The following DUSP15 variants were observed in gnomAD, a reference collection of about 807,000 sequenced individuals.
The protein encoded by DUSP15 is dual specificity phosphatase 15.
A neutral mutation model predicts 26.3 loss-of-function variants in DUSP15; 23 were observed. That is an observed-to-expected ratio of 0.87 (90% confidence interval 0.63 to 1.24). The LOEUF is 1.24. DUSP15 is among the 50% of genes most tolerant of loss of function. The pLI, the probability that DUSP15 is intolerant of heterozygous loss-of-function variation, is 0.00. For synonymous variants in DUSP15, 143 were observed against 135.5 expected (o/e 1.06, Z -0.39); for missense variants, 364 against 320.6 (o/e 1.14, Z -1.03).
rs1283570970 is a variant in DUSP15, at chr20:31,864,995, G to A, written c.146C>T (p.Thr49Ile). The change falls in exon 4 of 7, where the codon ACC becomes ATC. Residue 49 changes from threonine to isoleucine, a missense_variant. Coordinates refer to ENST00000339738, the MANE Select transcript of DUSP15 (RefSeq NM_080611.5). ...ATCAGCGACCGGGATGCGAAGGTAG[G>A]TGATATCCTGCAAGTACAAAATACA... ...ESPQPLLQDI[T>I]YLRIPVADTP... 2 of 1,614,118 alleles carry A rather than the reference G, an allele frequency of 1.2e-6. No homozygotes were observed. The highest frequency in any genetic ancestry group is 1.7e-6 in the Non-Finnish European group (2 of 1,179,992).
Position 31,870,393 on chromosome 20 carries a change from C to A in DUSP15, c.-56G>T. ...CCAGCTCGCCGCCCGGGAAGCGATC[C>A]GGTCACAGCTGCCCTGACGGCCCAG... On this transcript the variant is annotated 5_prime_UTR_variant, in exon 1 of 7. Transcript: ENST00000339738. The surrounding 1 kb of genome is among the most constrained non-coding windows in gnomAD (Gnocchi z 6.6). 1 of 1,279,268 alleles carries A rather than the reference C, an allele frequency of 7.8e-7. No homozygotes were observed. The highest frequency in any genetic ancestry group is 3.4e-5 in the South Asian group (1 of 29,630). 79.2% of individuals were successfully genotyped at this position (1,279,268 alleles called of 1,614,324 possible).
At chr20:31,851,150 T>C (rs922397545) in intron 6 of DUSP15, among the ~76,000 whole-genome samples, 5 of 151,936 alleles carry the variant, frequency 3.3e-5, no homozygotes, top group Non-Finnish European at 5.9e-5. Flanking sequence ...AAAGAGAAAG[T>C]TGATGAAGAT....
chr20:31,864,291 G>A (rs985662774), intron 4 of DUSP15: 39 of 1,129,050 alleles, frequency 3.5e-5, no homozygotes, highest in Non-Finnish European at 4.2e-5. Context: ...GAAATGGGTG[G>A]GAGGAAACAC....
intron 5 of DUSP15, 83 bp downstream of exon 5, chr20:31,863,824 C>A: frequency 7.1e-7 from 1 of 1,409,162 alleles, no homozygotes; most frequent in South Asian, 1.2e-5. Context: ...CAGGTCCAAC[C>A]TTCCCACAGG....
rs774152401 is a variant in DUSP15, at chr20:31,869,566, A to T, written c.53T>A (p.Ile18Asn). The T allele has an allele frequency of 1.9e-6, 3 of 1,613,002 alleles. No homozygotes were observed. Among genetic ancestry groups the T allele is most frequent in the South Asian group, 2.2e-5 (2 of 90,702 alleles). The change falls in exon 2 of 7, where the codon ATT becomes AAT. Residue 18 changes from isoleucine (I) to asparagine (N), a missense_variant and splice_region_variant. Physicochemically the swap from Ile to Asn is moderately radical, Grantham distance 149 (BLOSUM62 -3). Coordinates refer to ENST00000339738, the MANE Select transcript of DUSP15 (RefSeq NM_080611.5). ...VLPGLYLGNF[I>N]DAKDLDQLGR... ...GGGACAGAGTGGGCAGTGCTCACCAATGAAGTTTCCGAGGTAGAGTCCAGG... is the reference window on the plus strand; with the variant it reads ...GGGACAGAGTGGGCAGTGCTCACCATTGAAGTTTCCGAGGTAGAGTCCAGG...
intron 4 of DUSP15, chr20:31,864,506 G>T: frequency 1.0e-6 from 1 of 967,796 alleles, no homozygotes; most frequent in Non-Finnish European, 1.2e-6. Flanking sequence ...TCCTTGACCT[G>T]TGTCATCTGA....
chr20:31,861,711 C>T, intron 6 of DUSP15, 36 bp from the exon 7 acceptor site: 1 of 430,084 alleles, frequency 2.3e-6, no homozygotes, highest in Non-Finnish European at 3.0e-6. Context: ...GGGTCAAGGC[C>T]GGCGCGGGGC....
At chr20:31,849,813 T>G (rs6060996) in exon 8 of DUSP15, 1 of 1,529,362 alleles carries the variant, frequency 6.5e-7, no homozygotes, top group Non-Finnish European at 8.7e-7. Context: ...CGCTGGGCTG[T>G]GCGCCCGGTG....
At chr20:31,848,555 T>C in exon 10 of DUSP15, 1 of 1,571,340 alleles carries the variant, frequency 6.4e-7, no homozygotes, top group South Asian at 1.2e-5. Flanking sequence ...AGGCCGAAGC[T>C]GCACCTGCAC....
At chr20:31,865,210 G>A (rs1262794024) in intron 3 of DUSP15, among the ~76,000 whole-genome samples, 1 of 152,086 alleles carries the variant, frequency 6.6e-6, no homozygotes, top group Non-Finnish European at 1.5e-5. Flanking sequence ...TAAGCACATG[G>A]TGTCTCCTAA....
intron 6 of DUSP15, among the ~76,000 whole-genome samples, chr20:31,853,619 C>G (rs1000974509): frequency 4.0e-5 from 6 of 148,590 alleles, no homozygotes; most frequent in African/African-American, 1.5e-4. Context: ...CCCAGGAGGT[C>G]GAGGCTGCAG....
In DUSP15 at chr20:31,870,394, G is replaced by T. The variant is rs1436400517; in HGVS notation, c.-57C>A. ...CAGCTCGCCGCCCGGGAAGCGATCC[G>T]GTCACAGCTGCCCTGACGGCCCAGG... On this transcript the variant is annotated 5_prime_UTR_variant, in exon 1 of 7. Transcript: ENST00000339738. The surrounding 1 kb of genome is among the most constrained non-coding windows in gnomAD (Gnocchi z 6.6). The T allele has an allele frequency of 1.9e-5, 24 of 1,284,434 alleles. No individual in the cohort carries two copies. Among genetic ancestry groups the T allele is most frequent in the Non-Finnish European group, 2.3e-5 (23 of 1,017,306 alleles). 79.6% of individuals were successfully genotyped at this position (1,284,434 alleles called of 1,614,324 possible).
intron 2 of DUSP15, among the ~76,000 whole-genome samples, chr20:31,868,344 G>A (rs1175761015): frequency 6.6e-6 from 1 of 152,158 alleles, no homozygotes; most frequent in South Asian, 2.1e-4. Flanking sequence ...ATTTACAAGG[G>A]TGAAGCACCT....
At chr20:31,854,416 C>T (rs2062526498) in intron 6 of DUSP15, among the ~76,000 whole-genome samples, 3 of 152,142 alleles carry the variant, frequency 2.0e-5, no homozygotes, top group Non-Finnish European at 4.4e-5. Context: ...AAGTGCCTGG[C>T]ACACAGTGGT....
At chr20:31,862,311 G>A (rs2062678059) in intron 6 of DUSP15, among the ~76,000 whole-genome samples, 1 of 152,156 alleles carries the variant, frequency 6.6e-6, no homozygotes, top group Admixed American at 6.5e-5. Context: ...GGCAGGCAGT[G>A]GGGAGGGCTG....
At chr20:31,869,849 A>G in intron 1 of DUSP15, 1 of 1,413,222 alleles carries the variant, frequency 7.1e-7, no homozygotes. Context: ...ATGAGAGGGG[A>G]GAGGAGGAAG....
At chr20:31,869,904 G>A (rs1030442084) in intron 1 of DUSP15, 12 of 1,366,216 alleles carry the variant, frequency 8.8e-6, no homozygotes, top group Non-Finnish European at 1.1e-5. Context: ...GACTTGCAGG[G>A]TGCAGGGATG....
intron 6 of DUSP15, among the ~76,000 whole-genome samples, chr20:31,854,281 G>T (rs1015564172): frequency 6.6e-6 from 1 of 152,192 alleles, no homozygotes; most frequent in African/African-American, 2.4e-5. Context: ...CCTTGTGGGT[G>T]CCAGGAGTGA....
rs2062653082 is a variant in DUSP15 at position 31,861,558 on chromosome 20, A to G, written c.553T>C (p.Ser185Pro). ...CRQGSATSASSAGPHSAASEG... is the reference protein window; with the variant it reads ...CRQGSATSASPAGPHSAASEG... The stretch of plus-strand genomic sequence containing the variant: ...GAGGCTGCTGAGTGCGGCCCGGCGG[A>G]GGAGGCCGAGGTCGCGGAGCCCTGC... The change falls in exon 7 of 7, where the codon TCC (serine) becomes CCC (proline). Residue 185 changes from serine to proline, a missense_variant. Physicochemically the swap from Ser to Pro is moderately conservative, Grantham distance 74. Coordinates refer to ENST00000339738, the MANE Select transcript of DUSP15 (RefSeq NM_080611.5). The G allele has an allele frequency of 1.3e-6, 2 of 1,503,004 alleles. No homozygotes were observed. The highest frequency in any genetic ancestry group is 2.1e-5 in the Admixed American group (1 of 47,220). 93.1% of individuals were successfully genotyped at this position (1,503,004 alleles called of 1,614,324 possible).
Sources: allele counts gnomAD v4.1 joint callset (sites outside exome capture counted in the v4.1 genomes callset), GRCh38; gene constraint gnomAD v4.1.1; non-coding constraint Gnocchi (gnomAD v3.1); transcripts MANE v1.5; gene names NCBI Gene and HGNC (gene_info 2026-07-23, HGNC 2026-07-21).